Variants in CCSER1 observed in about 807,000 individuals in gnomAD.
CCSER1 encodes coiled-coil serine rich protein 1, also known as serine-rich coiled-coil domain-containing protein 1.
Under a neutral mutation model 82.0 loss-of-function variants are expected in CCSER1, and 41 were observed. That is an observed-to-expected ratio of 0.50 (90% CI 0.39 to 0.65). CCSER1 has a LOEUF of 0.65. Among genes scored for constraint, CCSER1 ranks in the 30% least tolerant of loss-of-function variants. CCSER1 has a pLI of 0.00. For synonymous variants in CCSER1, 414 were observed against 383.9 expected (o/e 1.08, Z -0.92); for missense variants, 1,119 against 1,064.2 (o/e 1.05, Z -0.72).
At chr4:91,564,021 T>C (rs557684658) in intron 10 of CCSER1, among the ~76,000 whole-genome samples, 41 of 151,800 alleles carry the variant, frequency 2.7e-4, no homozygotes, top group Admixed American at 1.3e-3. Context: ...TTATCTTTTC[T>C]GCTCCTTTCC....
chr4:90,419,409 A>C (rs901912401), intron 4 of CCSER1, among the ~76,000 whole-genome samples: 27 of 151,902 alleles, frequency 1.8e-4, no homozygotes, highest in African/African-American at 6.3e-4. Flanking sequence ...TCACAGTAAC[A>C]CTCTGAAATA....
At chr4:91,273,660 G>C (rs1742209734) in intron 10 of CCSER1, among the ~76,000 whole-genome samples, 1 of 152,140 alleles carries the variant, frequency 6.6e-6, no homozygotes, top group African/African-American at 2.4e-5. Flanking sequence ...GGAGTGGTGA[G>C]AGTGGGCATC....
intron 10 of CCSER1, among the ~76,000 whole-genome samples, chr4:91,542,277 G>C (rs568101799): frequency 1.4e-4 from 21 of 152,042 alleles, no homozygotes; most frequent in Non-Finnish European, 2.1e-4. Flanking sequence ...CATTGCTTTT[G>C]GTGTTTTAGT....
Position 90,697,039 on chromosome 4 carries a change from A to G in CCSER1, c.1933-26875A>G, listed in dbSNP as rs374327097. Among the ~76,000 whole-genome samples, 11 of 152,242 alleles carry G rather than the reference A, an allele frequency of 7.2e-5. No homozygotes were observed. The East Asian group carries it at 2.1e-3, about 29-fold the overall frequency. On this transcript the variant is annotated intron_variant, in intron 6 of 10. Transcript: ENST00000509176. The stretch of plus-strand genomic sequence containing the variant: ...AACAGATACAGAGCATTCTGGGATG[A>G]GATAAGAGACTTAGTGAGGGCAAAG...
chr4:90,584,399 A>G, intron 5 of CCSER1, among the ~76,000 whole-genome samples: 1 of 152,194 alleles, frequency 6.6e-6, no homozygotes, highest in East Asian at 1.9e-4. Context: ...AACCTCAGTT[A>G]CAGGAACTTC....
At chr4:90,741,524 T>C (rs981359283) in intron 7 of CCSER1, among the ~76,000 whole-genome samples, 2 of 152,230 alleles carry the variant, frequency 1.3e-5, no homozygotes, top group Non-Finnish European at 2.9e-5. Context: ...ATACTGAATC[T>C]GGCTGGGAAT....
intron 10 of CCSER1, among the ~76,000 whole-genome samples, chr4:91,309,735 G>A (rs1018786283): frequency 3.3e-5 from 5 of 152,066 alleles, no homozygotes; most frequent in South Asian, 4.1e-4. Flanking sequence ...TTCTTTTCAT[G>A]TATATATAGG....
intron 10 of CCSER1, among the ~76,000 whole-genome samples, chr4:91,230,817 A>G (rs936696469): frequency 6.6e-6 from 1 of 151,958 alleles, no homozygotes; most frequent in African/African-American, 2.4e-5. Flanking sequence ...TTTAAAATAT[A>G]CAAAATAATG....
At chr4:90,390,276 A>T (rs987811547) in intron 3 of CCSER1, among the ~76,000 whole-genome samples, 2 of 152,178 alleles carry the variant, frequency 1.3e-5, no homozygotes, top group South Asian at 4.2e-4. Flanking sequence ...TGAGAACTGT[A>T]TTTTTCATTT....
chr4:90,845,009 A>G (rs1278256155), intron 8 of CCSER1, among the ~76,000 whole-genome samples: 21 of 152,182 alleles, frequency 1.4e-4, no homozygotes, highest in African/African-American at 7.2e-5. Flanking sequence ...AAAACTAACT[A>G]TAAGCTGGAT....
chr4:90,605,152 C>T (rs906429936), intron 5 of CCSER1, among the ~76,000 whole-genome samples: 1 of 152,146 alleles, frequency 6.6e-6, no homozygotes, highest in Non-Finnish European at 1.5e-5. Context: ...CACGAACCCC[C>T]CAGAAGGAAG....
chr4:90,320,967 T>C (rs930761514), intron 3 of CCSER1, among the ~76,000 whole-genome samples: 6 of 152,094 alleles, frequency 3.9e-5, no homozygotes, highest in African/African-American at 1.4e-4. Context: ...GGGGTACATG[T>C]GATATTTTGA....
chr4:91,001,499 T>C (rs1484305629), intron 9 of CCSER1, among the ~76,000 whole-genome samples: 1 of 152,158 alleles, frequency 6.6e-6, no homozygotes, highest in African/African-American at 2.4e-5. Context: ...CTTTTCCTCT[T>C]CTTCTTTTCT....
intron 10 of CCSER1, among the ~76,000 whole-genome samples, chr4:91,524,151 A>G (rs1760653870): frequency 1.3e-5 from 2 of 152,308 alleles, no homozygotes; most frequent in East Asian, 1.9e-4. Context: ...CCTCAAGGTC[A>G]TATGTCTCTT....
intron 10 of CCSER1, among the ~76,000 whole-genome samples, chr4:91,103,722 T>C (rs996730384): frequency 1.3e-5 from 2 of 152,212 alleles, no homozygotes; most frequent in South Asian, 2.1e-4. Flanking sequence ...GTGATAATTA[T>C]GTTAACTGTA....
At chr4:90,626,285 C>T (rs1723249049) in intron 5 of CCSER1, among the ~76,000 whole-genome samples, 1 of 152,026 alleles carries the variant, frequency 6.6e-6, no homozygotes, top group Non-Finnish European at 1.5e-5. Flanking sequence ...AAATAGCAGG[C>T]AAGTTCACAA....
At chr4:91,533,791 G>T (rs149282370) in intron 10 of CCSER1, among the ~76,000 whole-genome samples, 1 of 151,620 alleles carries the variant, frequency 6.6e-6, no homozygotes. Context: ...TAATTTTTAG[G>T]TGACTAAAAT....
intron 9 of CCSER1, among the ~76,000 whole-genome samples, chr4:91,069,407 A>T (rs1347369723): frequency 6.6e-6 from 1 of 151,984 alleles, no homozygotes; most frequent in Non-Finnish European, 1.5e-5. Context: ...CAATATATTA[A>T]TGGCATGTTT....
chr4:91,527,930 T>C (rs1049034847), intron 10 of CCSER1, among the ~76,000 whole-genome samples: 5 of 152,024 alleles, frequency 3.3e-5, no homozygotes, highest in Non-Finnish European at 1.5e-5. Context: ...TTTTGTTTTG[T>C]TTTTGAGACA....
Sources: allele counts gnomAD v4.1 joint callset (sites outside exome capture counted in the v4.1 genomes callset), GRCh38; gene constraint gnomAD v4.1.1; transcripts MANE v1.5; gene names NCBI Gene and HGNC (gene_info 2026-07-23, HGNC 2026-07-21).